Variants in DYNC2I1 observed in about 807,000 individuals in gnomAD.
DYNC2I1 encodes the protein dynein 2 intermediate chain 1.
DYNC2I1 carries 89 observed loss-of-function variants against 133.4 expected under a neutral mutation model. The observed-to-expected ratio is 0.67, with a 90% CI of 0.56 to 0.80. The LOEUF is 0.80. Among genes scored for constraint, DYNC2I1 ranks in the 30% least tolerant of loss-of-function variants. The pLI is 0.00. For missense variants in DYNC2I1, 1,291 were observed against 1,314.5 expected (o/e 0.98, Z 0.28); for synonymous variants, 504 against 484.3 (o/e 1.04, Z -0.54).
Position 158,901,780 on chromosome 7 carries a change from T to C in DYNC2I1, c.1101T>C (p.Ala367=), listed in dbSNP as rs1846284432. The C allele has an allele frequency of 1.3e-6, 2 of 1,583,940 alleles. No homozygotes were observed. The highest frequency in any genetic ancestry group is 3.6e-5 in the Admixed American group (2 of 55,228). ...KEETDLENAR[A]DAYTASCEDD... is the part of the protein sequence containing the mutation. ...AAACTGATTTAGAAAATGCTAGAGC[T>C]GATGCATATACAGCCAGTTGTGAAG... The change falls in exon 9 of 25, where the codon GCT becomes GCC. Residue 367 remains alanine (A), a synonymous_variant. Transcript: ENST00000407559.
upstream of DYNC2I1, among the ~76,000 whole-genome samples, chr7:158,853,700 G>T (rs1371206394): frequency 6.6e-6 from 1 of 150,922 alleles, no homozygotes; most frequent in Non-Finnish European, 1.5e-5. Context: ...TGTTGCCCAG[G>T]CTGGAGTGCA....
At chr7:158,856,816 G>C in intron 1 of DYNC2I1, 66 bp downstream of exon 1, 1 of 1,227,030 alleles carries the variant, frequency 8.1e-7, no homozygotes, top group Admixed American at 4.2e-5. Context: ...GGCGCCGCTA[G>C]CAGCGCCGCC....
At chr7:158,880,193 G>T (rs1252429145) in intron 5 of DYNC2I1, among the ~76,000 whole-genome samples, 1 of 152,188 alleles carries the variant, frequency 6.6e-6, no homozygotes, top group Non-Finnish European at 1.5e-5. Context: ...CACATATTTT[G>T]ATTATATCGT....
intron 20 of DYNC2I1, among the ~76,000 whole-genome samples, chr7:158,927,509 G>C (rs1028748673): frequency 1.3e-5 from 2 of 150,518 alleles, no homozygotes; most frequent in African/African-American, 2.4e-5. Flanking sequence ...ATAAACTGTT[G>C]AACGGGCATC....
intron 16 of DYNC2I1, 76 bp downstream of exon 16, chr7:158,922,625 G>A (rs1400055059): frequency 7.8e-6 from 11 of 1,416,892 alleles, no homozygotes; most frequent in Admixed American, 6.1e-5. Flanking sequence ...CAGGTGGGGA[G>A]AGTCACGGAG....
At chr7:158,904,306 C>T (rs1380113783) in intron 10 of DYNC2I1, 1 of 152,270 alleles carries the variant, frequency 6.6e-6, no homozygotes, top group African/African-American at 2.4e-5. Context: ...GTGCTAAGCA[C>T]CGGTTTGTTT....
intron 1 of DYNC2I1, among the ~76,000 whole-genome samples, chr7:158,865,872 G>A (rs928850789): frequency 6.6e-6 from 1 of 152,178 alleles, no homozygotes; most frequent in Non-Finnish European, 1.5e-5. Context: ...GTAAATCACT[G>A]TTGAACAGTT....
chr7:158,926,545 G>A, intron 19 of DYNC2I1, 82 bp downstream of exon 19: 2 of 1,454,806 alleles, frequency 1.4e-6, no homozygotes, highest in East Asian at 2.4e-5. Context: ...GGCGCAGGGG[G>A]CGGGACCCAG....
At chr7:158,866,117 C>T (rs1842381440) in intron 1 of DYNC2I1, among the ~76,000 whole-genome samples, 1 of 151,936 alleles carries the variant, frequency 6.6e-6, no homozygotes. Flanking sequence ...ATTAAGAAAC[C>T]CCACTGGATG....
intron 15 of DYNC2I1, among the ~76,000 whole-genome samples, chr7:158,921,797 G>T (rs1179841043): frequency 6.6e-6 from 1 of 152,208 alleles, no homozygotes; most frequent in Non-Finnish European, 1.5e-5. Flanking sequence ...GTTCTCGCCA[G>T]TCATGGACTT....
intron 8 of DYNC2I1, among the ~76,000 whole-genome samples, chr7:158,893,759 T>C (rs1379960425): frequency 6.7e-6 from 1 of 148,192 alleles, no homozygotes; most frequent in East Asian, 2.1e-4. Context: ...TATATCATAG[T>C]GCATATCCTA....
In DYNC2I1 at chr7:158,912,476, A is replaced by G. The variant is rs551062403; in HGVS notation, c.1591-509A>G. Among the ~76,000 whole-genome samples, 21 of 152,228 alleles carry G rather than the reference A, an allele frequency of 1.4e-4. No homozygotes were observed. The East Asian group carries it at 4.1e-3, about 29-fold the overall frequency. On this transcript the variant is annotated intron_variant, in intron 12 of 24. Coordinates refer to ENST00000407559, the MANE Select transcript of DYNC2I1 (RefSeq NM_018051.5). ...TAAATTTTTAAATTTTTTTTAAGAG[A>G]CAGGGTCTTGCTCTGCCACCCAGGC...
At chr7:158,884,704 A>G in intron 6 of DYNC2I1, 85 bp downstream of exon 6, 2 of 1,430,576 alleles carry the variant, frequency 1.4e-6, no homozygotes, top group Non-Finnish European at 1.9e-6. Context: ...GGCTCCGATG[A>G]CGGCCAGTCC....
intron 11 of DYNC2I1, among the ~76,000 whole-genome samples, chr7:158,909,765 T>C (rs958971768): frequency 6.6e-6 from 1 of 152,112 alleles, no homozygotes; most frequent in African/African-American, 2.4e-5. Flanking sequence ...CTCAAGACAG[T>C]AGAGTGAAAC....
the DYNC2I1 span, among the ~76,000 whole-genome samples, chr7:158,841,192 TATATATATATATATATATATATATATA>T: frequency 1.0e-5 from 1 of 95,544 alleles, no homozygotes; most frequent in Non-Finnish European, 1.9e-5. Flanking sequence ...TATATATATA[TATATATATATATATATATATATATATA>T]TATTTTAGAC....
chr7:158,844,125 C>T, the DYNC2I1 span, among the ~76,000 whole-genome samples: 2 of 152,216 alleles, frequency 1.3e-5, no homozygotes, highest in Admixed American at 1.3e-4. Flanking sequence ...AAGGCAGTCT[C>T]TCTCCTCTCT....
intron 7 of DYNC2I1, among the ~76,000 whole-genome samples, chr7:158,888,750 G>A (rs1051003840): frequency 2.2e-4 from 34 of 152,274 alleles, no homozygotes; most frequent in African/African-American, 8.2e-4. Context: ...GATTACAGGC[G>A]TGAGCCACTG....
chr7:158,858,030 A>T (rs1841470084), intron 1 of DYNC2I1, among the ~76,000 whole-genome samples: 1 of 151,942 alleles, frequency 6.6e-6, no homozygotes, highest in Non-Finnish European at 1.5e-5. Context: ...ACCTCCGGTG[A>T]TCCGCCCGCC....
intron 8 of DYNC2I1, among the ~76,000 whole-genome samples, chr7:158,891,582 C>T (rs2657363): frequency 0.083 from 12,602 of 152,088 alleles, 628 homozygotes; most frequent in Non-Finnish European, 0.11. Context: ...GTGTGCACAC[C>T]GTCAGGTACT....
Sources: allele counts gnomAD v4.1 joint callset (sites outside exome capture counted in the v4.1 genomes callset), GRCh38; gene constraint gnomAD v4.1.1; transcripts MANE v1.5; gene names NCBI Gene and HGNC (gene_info 2026-07-23, HGNC 2026-07-21).